Variants in GDAP1 observed in about 807,000 individuals in gnomAD.
GDAP1 encodes ganglioside induced differentiation associated protein 1, also known as ganglioside-induced differentiation-associated protein 1.
In GDAP1, 34 loss-of-function variants were observed where a neutral mutation model predicts 40.1. The ratio of observed to expected loss-of-function variants is 0.85; its 90% confidence interval spans 0.64 to 1.13. The LOEUF is 1.13. GDAP1 is among the 50% of genes most tolerant of loss of function. The probability of loss-of-function intolerance (pLI) is 0.00; values close to 1 mark genes in which losing one functional copy is unlikely to be tolerated. For synonymous variants in GDAP1, 170 were observed against 157.4 expected (o/e 1.08, Z -0.60); for missense variants, 374 against 433.7 (o/e 0.86, Z 1.22).
chr8:74,436,116 G>C (rs868315877), intron 2 of GDAP1, among the ~76,000 whole-genome samples: 1 of 152,118 alleles, frequency 6.6e-6, no homozygotes, highest in Non-Finnish European at 1.5e-5. Flanking sequence ...ACTAATTTTG[G>C]GGTTGCCTGT....
chr8:74,443,255 T>C (rs1212342640), intron 2 of GDAP1, among the ~76,000 whole-genome samples: 1 of 152,172 alleles, frequency 6.6e-6, no homozygotes, highest in Non-Finnish European at 1.5e-5. Flanking sequence ...TCCCAAATGC[T>C]GGTTTAGGCC....
intron 2 of GDAP1, among the ~76,000 whole-genome samples, chr8:74,359,514 C>A (rs952247661): frequency 3.9e-5 from 6 of 152,204 alleles, no homozygotes; most frequent in Admixed American, 1.3e-4. Context: ...GAGCAAAGGC[C>A]TTTCCTGTTC....
intron 2 of GDAP1, among the ~76,000 whole-genome samples, chr8:74,484,107 T>C (rs1806746435): frequency 6.6e-6 from 1 of 152,224 alleles, no homozygotes; most frequent in South Asian, 2.1e-4. Flanking sequence ...TTTAAAATAC[T>C]AATTAAAATT....
Position 74,351,307 on chromosome 8 carries a change from T to G in GDAP1, c.151T>G (p.Cys51Gly). Residue 51 changes from cysteine (C) to glycine (G), a missense_variant, in exon 2 of 6, where the codon TGC becomes GGC. Cys to Gly is a radical substitution (Grantham distance 159). Coordinates refer to ENST00000220822, the MANE Select transcript of GDAP1 (RefSeq NM_018972.4). ...RLVIAEKALK[C>G]EEHDVSLPLS... Reference sequence around the variant, plus strand: ...GGTAATTGCTGAAAAGGCATTGAAGTGCGAGGAACATGATGTAAGTCTGCC... The same window carrying G: ...GGTAATTGCTGAAAAGGCATTGAAGGGCGAGGAACATGATGTAAGTCTGCC... 3 of 1,614,160 alleles carry G rather than the reference T, an allele frequency of 1.9e-6. No homozygotes were observed. Among genetic ancestry groups the G allele is most frequent in the Non-Finnish European group, 2.5e-6 (3 of 1,180,004 alleles).
chr8:74,442,839 T>C (rs1458042584), intron 2 of GDAP1, among the ~76,000 whole-genome samples: 1 of 152,160 alleles, frequency 6.6e-6, no homozygotes, highest in East Asian at 1.9e-4. Flanking sequence ...TTCCAGAATG[T>C]CTAAGCACAA....
intron 2 of GDAP1, among the ~76,000 whole-genome samples, chr8:74,422,493 CTCCTTCCTTCCTTCCT>C (rs67444628): frequency 0.61 from 63,838 of 104,604 alleles, 18,906 homozygotes; most frequent in Admixed American, 0.68. Flanking sequence ...TCCCTCCTTT[CTCCTTCCTTCCTTCCT>C]TCCTTCCTTC....
At chr8:74,357,430 AG>A (rs2131508007) in intron 2 of GDAP1, among the ~76,000 whole-genome samples, 1 of 152,340 alleles carries the variant, frequency 6.6e-6, no homozygotes, top group Non-Finnish European at 1.5e-5. Context: ...TCAGCATTAC[AG>A]GGACTTGAGA....
At position 74,365,036 on chromosome 8, in the gene GDAP1, C is replaced by T. The variant is rs1465763887; in HGVS notation, c.*669C>T. On this transcript the variant is annotated 3_prime_UTR_variant, in exon 6 of 6. Coordinates refer to ENST00000220822, the MANE Select transcript of GDAP1 (RefSeq NM_018972.4). The stretch of plus-strand genomic sequence containing the variant: ...GGTTCCTTACTGTTTTAGATGGTGC[C>T]TGTGAGATACCATTCCTCTGGATGG... 2.2e-6 allele frequency: 1 copy of T among 453,920 alleles called. No individual in the cohort carries two copies. The highest frequency in any genetic ancestry group is 6.8e-4 in the Middle Eastern group (1 of 1,466). The allele number at this position is 453,920 out of a possible 1,614,324, so 28.1% of individuals were successfully genotyped here.
intron 2 of GDAP1, among the ~76,000 whole-genome samples, chr8:74,372,379 C>G (rs1809769274): frequency 6.6e-6 from 1 of 152,174 alleles, no homozygotes; most frequent in Admixed American, 6.5e-5. Context: ...GTTTGCAGTC[C>G]CACCAACAGT....
chr8:74,359,044 G>A (rs757854562), intron 2 of GDAP1, among the ~76,000 whole-genome samples: 8 of 152,166 alleles, frequency 5.3e-5, no homozygotes, highest in Admixed American at 1.3e-4. Flanking sequence ...AAGGGACATA[G>A]CCCTGACCTT....
chr8:74,437,040 T>C (rs947729956), intron 2 of GDAP1, among the ~76,000 whole-genome samples: 15 of 152,148 alleles, frequency 9.9e-5, no homozygotes, highest in African/African-American at 3.1e-4. Flanking sequence ...GACAGACTTA[T>C]AGGACACTTA....
At chr8:74,469,634 A>G (rs545990700) in intron 2 of GDAP1, among the ~76,000 whole-genome samples, 54 of 147,456 alleles carry the variant, frequency 3.7e-4, no homozygotes, top group Non-Finnish European at 6.2e-4. Context: ...GCGCCACTGC[A>G]CTCCAGCCTG....
chr8:74,447,313 G>A (rs1176552010), intron 2 of GDAP1, among the ~76,000 whole-genome samples: 1 of 152,052 alleles, frequency 6.6e-6, no homozygotes, highest in Non-Finnish European at 1.5e-5. Context: ...TGAAATTGCT[G>A]TGAAGTTGGT....
In GDAP1 at chr8:74,461,903, T is replaced by A. The variant is rs114156956; in HGVS notation, c.166-26775T>A. Among the ~76,000 whole-genome samples the A allele has an allele frequency of 9.6e-3, 1,460 of 152,294 alleles. 19 individuals carry two copies. The highest frequency in any genetic ancestry group is 0.033 in the African/African-American group (1,358 of 41,562). ...TGAAAGATTTGAATGAGAAAAACAA[T>A]TCTGTTCCAGCAGAAAGCATTTCAT... On this transcript the variant is annotated intron_variant, in intron 2 of 2. Coordinates refer to the GDAP1 transcript ENST00000523640.
At chr8:74,437,539 C>T (rs1806107518) in intron 2 of GDAP1, among the ~76,000 whole-genome samples, 1 of 152,004 alleles carries the variant, frequency 6.6e-6, no homozygotes, top group Non-Finnish European at 1.5e-5. Context: ...CCCCTACATG[C>T]TCCTTCTCAA....
At position 74,402,551 on chromosome 8, in the gene GDAP1, G is replaced by A. The variant is rs918564759; in HGVS notation, c.165+51230G>A. 1.1e-4 allele frequency among the ~76,000 whole-genome samples: 16 copies of A among 150,118 alleles called. 2 individuals are homozygous for A. The highest frequency in any genetic ancestry group is 2.1e-4 in the South Asian group (1 of 4,826). On this transcript the variant is annotated intron_variant, in intron 2 of 2. Transcript: ENST00000523640. ...CCCTGCTTCGGCTCGCGCATGGTGC[G>A]CTGCACCCACTGTCCTGCGCCCACT...
At chr8:74,400,801 T>G (rs1288742917) in intron 2 of GDAP1, among the ~76,000 whole-genome samples, 2 of 149,300 alleles carry the variant, frequency 1.3e-5, no homozygotes, top group Non-Finnish European at 2.9e-5. Flanking sequence ...TTATTTCTCC[T>G]TCACTTATGA....
intron 2 of GDAP1, among the ~76,000 whole-genome samples, chr8:74,457,436 A>G (rs1397481187): frequency 6.6e-6 from 1 of 152,042 alleles, no homozygotes; most frequent in East Asian, 1.9e-4. Flanking sequence ...TTGAATTTTG[A>G]ACTAAAATTC....
At chr8:74,401,180 T>A (rs1810328413) in intron 2 of GDAP1, among the ~76,000 whole-genome samples, 1 of 149,280 alleles carries the variant, frequency 6.7e-6, no homozygotes, top group Admixed American at 6.6e-5. Flanking sequence ...CCCGTCACTT[T>A]CGGGTACACC....
Sources: gnomAD v4.1 joint callset for allele counts (sites outside exome capture counted in the v4.1 genomes callset) on GRCh38, gnomAD v4.1.1 for gene constraint, MANE v1.5 for transcripts, NCBI Gene and HGNC (gene_info 2026-07-23, HGNC 2026-07-21) for gene names.